Variants in NBEAL1 observed in about 807,000 individuals in gnomAD.
NBEAL1 encodes the protein neurobeachin-like protein 1.
NBEAL1 carries 273 observed loss-of-function variants against 351.3 expected under a neutral mutation model. The observed-to-expected ratio is 0.78, with a 90% CI of 0.70 to 0.86. The LOEUF (loss-of-function observed/expected upper bound fraction) is 0.86, where lower values mean the gene tolerates loss of function less well. Among genes scored for constraint, NBEAL1 ranks in the 40% least tolerant of loss-of-function variants. The pLI, the probability that NBEAL1 is intolerant of heterozygous loss-of-function variation, is 0.00. For synonymous variants in NBEAL1, 1,050 were observed against 1,086.4 expected (o/e 0.97, Z 0.66); for missense variants, 2,961 against 3,201.3 (o/e 0.92, Z 1.81).
Position 203,127,936 on chromosome 2 carries a change from A to C in NBEAL1, c.3404A>C (p.Gln1135Pro). 1.9e-6 allele frequency: 3 copies of C among 1,547,048 alleles called. No homozygotes were observed. The highest frequency in any genetic ancestry group is 2.6e-6 in the Non-Finnish European group (3 of 1,143,362). ...GYIAATNEEE[Q>P]LFGILDVLFS... ...ATAGCTGCTACTAATGAAGAAGAAC[A>C]GGTATTATGCCTAAGATACATCTAC... Residue 1135 changes from glutamine (Q) to proline (P), a missense_variant and splice_region_variant, in exon 24 of 56, where the codon CAG (glutamine) becomes CCG (proline). Physicochemically the swap from Gln to Pro is moderately conservative, Grantham distance 76. Coordinates refer to ENST00000683969, the MANE Select transcript of NBEAL1 (RefSeq NM_001378026.1).
At chr2:203,198,922 T>G (rs2065314083) in intron 48 of NBEAL1, among the ~76,000 whole-genome samples, 1 of 151,322 alleles carries the variant, frequency 6.6e-6, no homozygotes, top group South Asian at 2.1e-4. Context: ...GTGTGGTGAC[T>G]CACGCCTGTC....
intron 15 of NBEAL1, among the ~76,000 whole-genome samples, chr2:203,110,816 A>C (rs1317241728): frequency 8.6e-6 from 1 of 116,574 alleles, no homozygotes; most frequent in East Asian, 2.6e-4. Context: ...GCCAGTCTGG[A>C]GTACAGTGGC....
At chr2:203,141,011 A>T (rs1258926783) in intron 31 of NBEAL1, among the ~76,000 whole-genome samples, 1 of 151,910 alleles carries the variant, frequency 6.6e-6, no homozygotes, top group African/African-American at 2.4e-5. Flanking sequence ...AATTAAAATA[A>T]AATACAGAAC....
chr2:203,197,506 T>C (rs2065272066), intron 48 of NBEAL1, 115 bp downstream of exon 48: 1 of 645,202 alleles, frequency 1.5e-6, no homozygotes, highest in Middle Eastern at 2.6e-4. Flanking sequence ...TGGTGGTTCA[T>C]GCCTGTAATC....
chr2:203,209,433 ATGTTTT>A lies in NBEAL1; in HGVS notation c.7785+113_7785+118del, dbSNP rs1234522075. The A allele has an allele frequency of 2.7e-5, 22 of 824,480 alleles. No individual in the cohort carries two copies. In the Admixed American group the frequency reaches 4.0e-4, roughly 15 times the overall value. The allele number at this position is 824,480 out of a possible 1,614,324, so 51.1% of individuals were successfully genotyped here. A position where few individuals can be genotyped will look rare whatever the true frequency, so the allele number is the denominator to read the frequency against. On this transcript the variant is annotated intron_variant, in intron 53 of 55. Transcript: ENST00000683969. ...GAAAGAACACCATATTTTAAAGATG[ATGTTTT>A]TCTTTCATCATTCAGTTGTTCGTTT...
At chr2:203,048,513 G>A (rs1339092927) in intron 3 of NBEAL1, among the ~76,000 whole-genome samples, 1 of 152,012 alleles carries the variant, frequency 6.6e-6, no homozygotes, top group East Asian at 1.9e-4. Flanking sequence ...TTTTGGTTGT[G>A]TGACCACAGG....
In NBEAL1 at chr2:203,151,708, A is replaced by G. The variant is rs1057187467; in HGVS notation, c.5587+119A>G. The G allele has an allele frequency of 3.1e-6, 3 of 959,386 alleles. No individual in the cohort carries two copies. In the African/African-American group the frequency reaches 5.0e-5, roughly 16 times the overall value. 59.4% of individuals were successfully genotyped at this position (959,386 alleles called of 1,614,324 possible). A position where few individuals can be genotyped will look rare whatever the true frequency, so the allele number is the denominator to read the frequency against. ...TTATGAAGGAAGGGTGGCATTTTAT[A>G]ATTGATATTTAAGTGACTATATGTT... On this transcript the variant is annotated intron_variant, in intron 35 of 55. Transcript: ENST00000683969.
In NBEAL1 at chr2:203,107,415, C is replaced by T. The variant is rs2062461891; in HGVS notation, c.1270-5C>T. The T allele has an allele frequency of 1.4e-6, 2 of 1,473,538 alleles. No homozygotes were observed. The allele number at this position is 1,473,538 out of a possible 1,614,324, so 91.3% of individuals were successfully genotyped here. A position where few individuals can be genotyped will look rare whatever the true frequency, so the allele number is the denominator to read the frequency against. Reference sequence around the variant, plus strand: ...ACTTTGATATATTGTCTTCCCATCCCCTAGGAAGTATTTAAAGAAAGAATT... The same window carrying T: ...ACTTTGATATATTGTCTTCCCATCCTCTAGGAAGTATTTAAAGAAAGAATT... On this transcript the variant is annotated splice_polypyrimidine_tract_variant and splice_region_variant and intron_variant, in intron 12 of 55. Coordinates refer to ENST00000683969, the MANE Select transcript of NBEAL1 (RefSeq NM_001378026.1).
rs2062917580 is a variant in NBEAL1 at position 203,125,479 on chromosome 2, T to C, written c.2810T>C (p.Val937Ala). The change falls in exon 20 of 56, where the codon GTT becomes GCT. Residue 937 changes from valine (V) to alanine (A), a missense_variant. Val to Ala is a moderately conservative substitution (Grantham distance 64, BLOSUM62 0). Coordinates refer to ENST00000683969, the MANE Select transcript of NBEAL1 (RefSeq NM_001378026.1). Reference protein sequence around the residue: ...ESTVPESVTPVEGDWLVWTST... With the variant: ...ESTVPESVTPAEGDWLVWTST... ...ACAGTTCCTGAATCAGTAACACCTG[T>C]TGAAGGAGATTGGCTCGTATGGACT... The C allele has an allele frequency of 6.5e-7, 1 of 1,538,880 alleles. No homozygotes were observed.
chr2:203,079,542 CTCTA>C (rs773278284), intron 8 of NBEAL1, among the ~76,000 whole-genome samples: 10 of 152,122 alleles, frequency 6.6e-5, no homozygotes, highest in Non-Finnish European at 1.0e-4. Context: ...CTGTTTCTTT[CTCTA>C]TCTTAGGTCG....
intron 51 of NBEAL1, among the ~76,000 whole-genome samples, chr2:203,205,877 G>C (rs2065539572): frequency 6.6e-6 from 1 of 152,156 alleles, no homozygotes; most frequent in African/African-American, 2.4e-5. Context: ...ATACTCACAG[G>C]GAAAGACAAA....
At chr2:203,214,110 A>G (rs1234744287) in intron 55 of NBEAL1, among the ~76,000 whole-genome samples, 1 of 152,226 alleles carries the variant, frequency 6.6e-6, no homozygotes, top group Non-Finnish European at 1.5e-5. Context: ...TGAGTTTCCT[A>G]TAGTTAAATT....
rs562043070 is a variant in NBEAL1, at chr2:203,097,530, G to A, written c.1099-17G>A. On this transcript the variant is annotated splice_polypyrimidine_tract_variant and intron_variant, in intron 10 of 55. Coordinates refer to ENST00000683969, the MANE Select transcript of NBEAL1 (RefSeq NM_001378026.1). ...TTAATGTTCTTTCTCCATTATTCTT[G>A]TCTCTGTTTTTAACAGCTATTTTTA... is the stretch of plus-strand genomic sequence containing the variant. 3.6e-4 allele frequency: 348 copies of A among 957,846 alleles called. 1 individual carries two copies. The African/African-American group carries it at 5.7e-3, about 16-fold the overall frequency. 59.3% of individuals were successfully genotyped at this position (957,846 alleles called of 1,614,324 possible).
rs920067402 is a variant in NBEAL1, at chr2:203,057,491, A to G, written c.515+38A>G. 9 of 1,498,610 alleles carry G rather than the reference A, an allele frequency of 6.0e-6. No homozygotes were observed. The African/African-American group carries it at 7.0e-5, about 12-fold the overall frequency. The allele number at this position is 1,498,610 out of a possible 1,614,324, so 92.8% of individuals were successfully genotyped here. A position where few individuals can be genotyped will look rare whatever the true frequency, so the allele number is the denominator to read the frequency against. The stretch of plus-strand genomic sequence containing the variant: ...AATAATAACGTTCATTTAAAACCTG[A>G]ATGTCATAATATATTTGATTCTTCA... On this transcript the variant is annotated intron_variant, in intron 6 of 55. Transcript: ENST00000683969.
In NBEAL1 at chr2:203,083,509, A is replaced by G. The variant is rs953298133; in HGVS notation, c.975A>G (p.Leu325=). 1.8e-5 allele frequency: 28 copies of G among 1,542,276 alleles called. No homozygotes were observed. The Admixed American group carries it at 5.4e-4, about 30-fold the overall frequency. ...AGTGGGAAAACCGATTTATTGCTCT[A>G]CAGATCAAAATGCTGAGTAAGTATT... The part of the protein sequence containing the change: ...SRQWENRFIA[L]QIKMLNTITA... The change falls in exon 9 of 56, where the codon CTA becomes CTG. Residue 325 remains leucine (L), a synonymous_variant. Coordinates refer to ENST00000683969, the MANE Select transcript of NBEAL1 (RefSeq NM_001378026.1).
At chr2:203,077,666 C>T (rs1047501736) in intron 7 of NBEAL1, 86 bp from the exon 8 acceptor site, 2 of 752,126 alleles carry the variant, frequency 2.7e-6, no homozygotes, top group African/African-American at 1.9e-5. Context: ...AATAGTTCTT[C>T]GTGTTTGCAT....
At chr2:203,052,112 A>G (rs1049365474) in intron 4 of NBEAL1, among the ~76,000 whole-genome samples, 1 of 152,154 alleles carries the variant, frequency 6.6e-6, no homozygotes, top group East Asian at 1.9e-4. Context: ...TGTCATATAT[A>G]AATTTGACAT....
At chr2:203,136,499 T>A in intron 28 of NBEAL1, 100 bp from the exon 29 acceptor site, 2 of 917,440 alleles carry the variant, frequency 2.2e-6, no homozygotes, top group Non-Finnish European at 1.6e-6. Flanking sequence ...ACTTTAAAAA[T>A]ATGTTAAATG....
In NBEAL1 at chr2:203,203,612, G is replaced by A. The variant is rs145379037; in HGVS notation, c.7506+831G>A. The stretch of plus-strand genomic sequence containing the variant: ...TGTGGTCCTGGTGGGAGGCTGAGGT[G>A]GAAGGATTGCTTGAGCCAGGGAAGC... On this transcript the variant is annotated intron_variant, in intron 51 of 55. Transcript: ENST00000683969. Among the ~76,000 whole-genome samples the A allele has an allele frequency of 9.5e-3, 1,448 of 152,232 alleles. 14 individuals are homozygous for A. Among genetic ancestry groups the A allele is most frequent in the African/African-American group, 0.033 (1,365 of 41,538 alleles).
Sources: gnomAD v4.1 joint callset for allele counts (sites outside exome capture counted in the v4.1 genomes callset) on GRCh38, gnomAD v4.1.1 for gene constraint, MANE v1.5 for transcripts, NCBI Gene and HGNC (gene_info 2026-07-23, HGNC 2026-07-21) for gene names.